Variants in NTNG1 observed in about 807,000 individuals in gnomAD.
NTNG1 encodes the protein netrin G1, also known as netrin-G1.
Under a neutral mutation model 54.0 loss-of-function variants are expected in NTNG1, and 16 were observed. That is an observed-to-expected ratio of 0.30 (90% CI 0.20 to 0.45). The LOEUF is 0.45. Ranked by LOEUF, NTNG1 falls within the 20% of genes least tolerant of loss-of-function variation. The pLI is 1.00. For synonymous variants in NTNG1, 255 were observed against 263.1 expected, an observed-to-expected ratio of 0.97 and a Z score of 0.30; for missense variants, 530 against 678.7, an observed-to-expected ratio of 0.78 and a Z score of 2.43.
Position 107,469,870 on chromosome 1 carries a change from G to GT in NTNG1, c.1391-10730dup, listed in dbSNP as rs918096446. On this transcript the variant is annotated intron_variant, in intron 7 of 7. Coordinates refer to ENST00000370068, the MANE Select transcript of NTNG1 (RefSeq NM_001113226.3). ...GCAGGTACGTACAAGGGCAGAAATA[G>GT]TTTTTTTTTTTAATTAGTTTAAATT... Among the ~76,000 whole-genome samples the GT allele has an allele frequency of 1.0e-3, 153 of 147,992 alleles. 2 individuals are homozygous for GT. The East Asian group carries it at 0.013, about 13-fold the overall frequency.
intron 2 of NTNG1, among the ~76,000 whole-genome samples, chr1:107,249,928 A>G (rs913827457): frequency 2.0e-5 from 3 of 152,244 alleles, no homozygotes; most frequent in African/African-American, 7.2e-5. Context: ...AAGAGCAGGT[A>G]CTAACAGAGA....
At chr1:107,319,508 A>C (rs1399515860) in intron 2 of NTNG1, among the ~76,000 whole-genome samples, 1 of 152,104 alleles carries the variant, frequency 6.6e-6, no homozygotes, top group Non-Finnish European at 1.5e-5. Flanking sequence ...TATCTATCTC[A>C]GTCACAGCAG....
intron 2 of NTNG1, among the ~76,000 whole-genome samples, chr1:107,168,420 A>G (rs1050447522): frequency 1.3e-5 from 2 of 152,044 alleles, no homozygotes; most frequent in African/African-American, 2.4e-5. Context: ...TTTGTTTTTA[A>G]TATTCTGGAC....
At chr1:107,383,582 C>T (rs1156807875) in intron 3 of NTNG1, among the ~76,000 whole-genome samples, 2 of 152,138 alleles carry the variant, frequency 1.3e-5, no homozygotes, top group Non-Finnish European at 2.9e-5. Flanking sequence ...TCTTTATAAG[C>T]TCTAGGACTA....
chr1:107,166,342 T>G (rs1018563691), intron 2 of NTNG1, among the ~76,000 whole-genome samples: 1 of 152,196 alleles, frequency 6.6e-6, no homozygotes, highest in African/African-American at 2.4e-5. Flanking sequence ...TTGTGCTGTC[T>G]GTGAATTAAT....
intron 2 of NTNG1, among the ~76,000 whole-genome samples, chr1:107,246,853 T>C (rs929415392): frequency 2.6e-5 from 4 of 152,224 alleles, no homozygotes; most frequent in African/African-American, 9.6e-5. Context: ...TTTCATGATA[T>C]ACAACACCCA....
intron 7 of NTNG1, among the ~76,000 whole-genome samples, chr1:107,449,455 C>T (rs370874599): frequency 5.5e-4 from 83 of 151,880 alleles, no homozygotes; most frequent in African/African-American, 9.9e-4. Flanking sequence ...TTAATCCAGC[C>T]GTGAATTGAC....
At chr1:107,196,935 C>T (rs72697693) in intron 2 of NTNG1, among the ~76,000 whole-genome samples, 1 of 151,568 alleles carries the variant, frequency 6.6e-6, no homozygotes, top group Non-Finnish European at 1.5e-5. Context: ...TTGTCATTCT[C>T]GGGCGGGTGT....
chr1:107,298,893 A>G (rs1666146441), intron 2 of NTNG1, among the ~76,000 whole-genome samples: 1 of 152,204 alleles, frequency 6.6e-6, no homozygotes, highest in Admixed American at 6.5e-5. Flanking sequence ...AGAAAATATA[A>G]GCACCAAACT....
chr1:107,383,743 G>T (rs1464400230), intron 3 of NTNG1, among the ~76,000 whole-genome samples: 2 of 152,172 alleles, frequency 1.3e-5, no homozygotes, highest in African/African-American at 2.4e-5. Context: ...CAGAGTCCAA[G>T]CTCTTAACAC....
chr1:107,386,985 T>G (rs1308479659), intron 3 of NTNG1, among the ~76,000 whole-genome samples: 1 of 152,192 alleles, frequency 6.6e-6, no homozygotes, highest in Non-Finnish European at 1.5e-5. Flanking sequence ...GATTTGCATC[T>G]CCCTTAATGA....
chr1:107,176,265 G>A (rs1365828041), intron 2 of NTNG1, among the ~76,000 whole-genome samples: 3 of 152,016 alleles, frequency 2.0e-5, no homozygotes, highest in South Asian at 2.1e-4. Context: ...ACTGCAATCA[G>A]CAACTTATTT....
intron 4 of NTNG1, among the ~76,000 whole-genome samples, chr1:107,400,026 G>A (rs186007960): frequency 3.9e-5 from 6 of 152,088 alleles, no homozygotes; most frequent in Admixed American, 1.3e-4. Flanking sequence ...TATTCTTGTG[G>A]TTTTAGATCT....
intron 7 of NTNG1, among the ~76,000 whole-genome samples, chr1:107,471,175 G>A (rs563412461): frequency 2.6e-5 from 4 of 152,166 alleles, no homozygotes; most frequent in Non-Finnish European, 5.9e-5. Context: ...GTCAGAACTT[G>A]CAGTCCTTGA....
rs370168082 is a variant in NTNG1, at chr1:107,147,412, A to C, written c.-525-657A>C. Among the ~76,000 whole-genome samples the C allele has an allele frequency of 7.0e-4, 106 of 152,280 alleles. 1 individual carries two copies. The highest frequency in any genetic ancestry group is 2.5e-3 in the African/African-American group (102 of 41,568). On this transcript the variant is annotated intron_variant, in intron 1 of 7. Coordinates refer to ENST00000370068, the MANE Select transcript of NTNG1 (RefSeq NM_001113226.3). ...GTAATGGCTATAAAAAGATGTAAAA[A>C]TATAGAAAATTCTTATGAAAGGAAA...
chr1:107,484,008 G>A lies in NTNG1; in HGVS notation c.*3168G>A, dbSNP rs1678885535. Reference sequence around the variant, plus strand: ...TCCTCCAGCTTTCTCCCAGATATCAGGAACCTAGAGTTTCCTACTCAGATA... The same window carrying A: ...TCCTCCAGCTTTCTCCCAGATATCAAGAACCTAGAGTTTCCTACTCAGATA... On this transcript the variant is annotated 3_prime_UTR_variant, in exon 8 of 8. Transcript: ENST00000370068. Among the ~76,000 whole-genome samples, 1 of 152,148 alleles carries A rather than the reference G, an allele frequency of 6.6e-6. No individual in the cohort carries two copies. Among genetic ancestry groups the A allele is most frequent in the Admixed American group, 6.5e-5 (1 of 15,280 alleles).
At chr1:107,360,482 G>A (rs1372467145) in intron 3 of NTNG1, among the ~76,000 whole-genome samples, 2 of 152,116 alleles carry the variant, frequency 1.3e-5, no homozygotes, top group Non-Finnish European at 2.9e-5. Context: ...AATTAAGGTA[G>A]GAGAGATGAG....
chr1:107,466,111 AAC>A (rs1371810852), intron 7 of NTNG1, among the ~76,000 whole-genome samples: 1 of 152,168 alleles, frequency 6.6e-6, no homozygotes, highest in Non-Finnish European at 1.5e-5. Flanking sequence ...GGAGATTCTG[AAC>A]ACACTGTTGG....
At chr1:107,397,308 G>C (rs561983345) in intron 4 of NTNG1, among the ~76,000 whole-genome samples, 8 of 152,268 alleles carry the variant, frequency 5.3e-5, no homozygotes, top group East Asian at 3.9e-4. Context: ...TTAGATGAAG[G>C]GTTTTAGAAA....
Sources: gnomAD v4.1 joint callset for allele counts (sites outside exome capture counted in the v4.1 genomes callset) on GRCh38, gnomAD v4.1.1 for gene constraint, MANE v1.5 for transcripts, NCBI Gene and HGNC (gene_info 2026-07-23, HGNC 2026-07-21) for gene names.